The following KDM5A variants were observed in gnomAD, a reference collection of about 807,000 sequenced individuals.
KDM5A encodes the protein lysine demethylase 5A.
In KDM5A, 42 loss-of-function variants were observed where a neutral mutation model predicts 193.5. The ratio of observed to expected loss-of-function variants is 0.22; its 90% CI spans 0.17 to 0.28. The LOEUF (loss-of-function observed/expected upper bound fraction) is 0.28, where lower values mean the gene tolerates loss of function less well. KDM5A is among the 10% of genes least tolerant of loss of function. KDM5A has a pLI of 1.00. For missense variants in KDM5A, 1,692 were observed against 2,055.1 expected (o/e 0.82, Z 3.42); for synonymous variants, 796 against 718.1 (o/e 1.11, Z -1.73).
rs751316146 is a variant in KDM5A at position 350,768 on chromosome 12, T to C, written c.1161A>G (p.Thr387=). 7 of 1,613,536 alleles carry C rather than the reference T, an allele frequency of 4.3e-6. No individual in the cohort carries two copies. The highest frequency in any genetic ancestry group is 5.9e-6 in the Non-Finnish European group (7 of 1,179,796). ...GCCAAAATTCCTTTTCTACTAGTTC[T>C]GTGGGAACCATCTACACAGGGAAAA... ...YFNMPVHMVP[T]ELVEKEFWRL... is the part of the protein sequence containing the mutation. Residue 387 remains threonine, a synonymous_variant, in exon 10 of 28, where the codon ACA becomes ACG. Transcript: ENST00000399788.
intron 19 of KDM5A, among the ~76,000 whole-genome samples, chr12:315,146 AG>A (rs1421563946): frequency 6.6e-6 from 1 of 152,244 alleles, no homozygotes; most frequent in African/African-American, 2.4e-5. Context: ...GAGAAAAAGA[AG>A]GAATAATCCT....
At chr12:325,656 A>G (rs1174160624) in intron 14 of KDM5A, among the ~76,000 whole-genome samples, 2 of 152,346 alleles carry the variant, frequency 1.3e-5, no homozygotes, top group East Asian at 3.9e-4. Flanking sequence ...CTCGGGCAAC[A>G]GAGTGAGACC....
chr12:356,081 G>A (rs1944226658), intron 6 of KDM5A, among the ~76,000 whole-genome samples: 1 of 152,160 alleles, frequency 6.6e-6, no homozygotes, highest in East Asian at 1.9e-4. Context: ...ACTTCTCCCA[G>A]TGTATGTCGA....
intron 24 of KDM5A, among the ~76,000 whole-genome samples, chr12:301,637 C>G (rs780090971): frequency 8.4e-4 from 128 of 152,354 alleles, no homozygotes; most frequent in Middle Eastern, 6.8e-3. Flanking sequence ...GATGCCCTCT[C>G]TCACCACTCC....
intron 8 of KDM5A, 49 bp downstream of exon 8, chr12:354,027 G>A: frequency 7.2e-7 from 1 of 1,388,328 alleles, no homozygotes; most frequent in Non-Finnish European, 1.0e-6. Context: ...GTATATGCAT[G>A]TATTATTATT....
At chr12:314,988 G>T (rs1943633062) in intron 19 of KDM5A, among the ~76,000 whole-genome samples, 1 of 152,168 alleles carries the variant, frequency 6.6e-6, no homozygotes, top group Admixed American at 6.5e-5. Context: ...ACTAGAGAAG[G>T]ATTTAAGTAA....
intron 20 of KDM5A, among the ~76,000 whole-genome samples, chr12:311,900 G>A (rs1032627769): frequency 3.9e-5 from 6 of 152,166 alleles, no homozygotes; most frequent in African/African-American, 1.4e-4. Flanking sequence ...TAGGCGTGCT[G>A]GCATGCGCCT....
chr12:368,504 G>A (rs1944384988), intron 3 of KDM5A, among the ~76,000 whole-genome samples: 1 of 152,100 alleles, frequency 6.6e-6, no homozygotes, highest in Admixed American at 6.6e-5. Context: ...GCTGAGGCAG[G>A]CGGATCACCT....
intron 27 of KDM5A, among the ~76,000 whole-genome samples, chr12:292,252 G>A (rs1943304977): frequency 6.6e-6 from 1 of 152,162 alleles, no homozygotes. Flanking sequence ...CAAAAGATTT[G>A]AAGAAAATCA....
intron 24 of KDM5A, among the ~76,000 whole-genome samples, chr12:297,460 C>G (rs1339827889): frequency 1.3e-5 from 2 of 152,122 alleles, no homozygotes; most frequent in Admixed American, 6.6e-5. Flanking sequence ...GTAAGTTAAA[C>G]AGTAAATAAC....
intron 19 of KDM5A, among the ~76,000 whole-genome samples, 186 bp downstream of exon 19, chr12:317,920 C>T (rs551260339): frequency 6.6e-6 from 1 of 152,150 alleles, no homozygotes; most frequent in Non-Finnish European, 1.5e-5. Flanking sequence ...CGGTTTCCTT[C>T]AGGCCCTGGA....
Position 350,727 on chromosome 12 carries a change from A to C in KDM5A, c.1202T>G (p.Ile401Ser), listed in dbSNP as rs1565542610. The change falls in exon 10 of 28, where the codon ATT becomes AGT. Residue 401 changes from isoleucine (I) to serine (S), a missense_variant. Ile to Ser is a moderately radical substitution (Grantham distance 142). Around this residue, in one of 11 missense-constraint regions of KDM5A, gnomAD observed 172 missense variants for 260.3 expected, o/e 0.66. Coordinates refer to ENST00000399788, the MANE Select transcript of KDM5A (RefSeq NM_001042603.3). ...EKEFWRLVSS[I>S]EEDVIVEYGA... ...ATATTCCACAATAACATCTTCTTCA[A>C]TGCTGCTTACCAGCCGCCAAAATTC... 1 of 1,614,092 alleles carries C rather than the reference A, an allele frequency of 6.2e-7. No homozygotes were observed. Among genetic ancestry groups the C allele is most frequent in the African/African-American group, 1.3e-5 (1 of 75,042 alleles).
chr12:388,649 A>G, intron 1 of KDM5A: 1 of 532,348 alleles, frequency 1.9e-6, no homozygotes. Context: ...TAAACACCAT[A>G]TCGGCTAACG....
At position 307,092 on chromosome 12, in the gene KDM5A, A is replaced by AT. The variant is rs749768791; in HGVS notation, c.3931-4_3931-3insA. 1.9e-6 allele frequency: 3 copies of AT among 1,614,174 alleles called. No individual in the cohort carries two copies. The Admixed American group carries it at 5.0e-5, about 27-fold the overall frequency. Reference sequence around the variant, plus strand: ...TGCTGGAAACTAGGTAAGTGTCCCTAAACAACAAATAATTCCAAGATGAAC... The same window carrying AT: ...TGCTGGAAACTAGGTAAGTGTCCCTATAACAACAAATAATTCCAAGATGAAC... On this transcript the variant is annotated splice_polypyrimidine_tract_variant and splice_region_variant and intron_variant, in intron 23 of 27. Transcript: ENST00000399788. The surrounding 1 kb of genome is among the most constrained non-coding windows in gnomAD (Gnocchi z 4.3).
In KDM5A at chr12:389,152, AG is replaced by A; in HGVS notation, c.-62del. On this transcript the variant is annotated 5_prime_UTR_variant, in exon 1 of 28. Transcript: ENST00000399788. The stretch of plus-strand genomic sequence containing the variant: ...GAACCGGTGGAGAAAAGCTGGCTGA[AG>A]CCCACTAAGCCCGTTCAAGTCCCCT... 1 of 1,486,442 alleles carries A rather than the reference AG, an allele frequency of 6.7e-7. No individual in the cohort carries two copies. Among genetic ancestry groups the A allele is most frequent in the Non-Finnish European group, 9.4e-7 (1 of 1,065,962 alleles). 92.1% of individuals were successfully genotyped at this position (1,486,442 alleles called of 1,614,324 possible).
At chr12:360,595 T>C (rs531773399) in intron 5 of KDM5A, among the ~76,000 whole-genome samples, 37 of 152,248 alleles carry the variant, frequency 2.4e-4, no homozygotes, top group African/African-American at 8.7e-4. Context: ...AATTTGACAA[T>C]TAAAAACTCA....
At position 324,083 on chromosome 12, in the gene KDM5A, G is replaced by C. The variant is rs149385476; in HGVS notation, c.1969-302C>G. 9.1e-3 allele frequency among the ~76,000 whole-genome samples: 1,383 copies of C among 152,246 alleles called. 30 individuals carry two copies. Among genetic ancestry groups the C allele is most frequent in the African/African-American group, 0.031 (1,292 of 41,528 alleles). On this transcript the variant is annotated intron_variant, in intron 14 of 27. Coordinates refer to ENST00000399788, the MANE Select transcript of KDM5A (RefSeq NM_001042603.3). Reference sequence around the variant, plus strand: ...GCACTTTAGGAAGCTGAGGCGGAAGGATTGTTTGAAGCCAGGGATTTGAGA... The same window carrying C: ...GCACTTTAGGAAGCTGAGGCGGAAGCATTGTTTGAAGCCAGGGATTTGAGA...
At chr12:333,186 A>G (rs937109393) in intron 12 of KDM5A, 18 of 409,770 alleles carry the variant, frequency 4.4e-5, no homozygotes, top group Non-Finnish European at 7.4e-5. Context: ...TGGGAGGCCG[A>G]GTTGGGAAGA....
chr12:330,085 G>GTGTGTGTGTGTGTGTATATA (rs377271333), intron 13 of KDM5A, among the ~76,000 whole-genome samples: 4,565 of 139,124 alleles, frequency 0.033, 99 homozygotes, highest in Non-Finnish European at 0.041. Flanking sequence ...GTGTGTGTGT[G>GTGTGTGTGTGTGTGTATATA]TATATATATA....
Sources: allele counts gnomAD v4.1 joint callset (sites outside exome capture counted in the v4.1 genomes callset), GRCh38; gene constraint gnomAD v4.1.1; regional missense constraint gnomAD v4.1.1; non-coding constraint Gnocchi (gnomAD v3.1); transcripts MANE v1.5; gene names NCBI Gene and HGNC (gene_info 2026-07-23, HGNC 2026-07-21).